The following ZNF787 variants were observed in gnomAD, a reference collection of about 807,000 sequenced individuals.
ZNF787 encodes TTF-I-interacting peptide 20.
ZNF787 carries 7 observed loss-of-function variants against 16.9 expected under a neutral mutation model. The observed-to-expected ratio is 0.42, with a 90% CI of 0.24 to 0.78. The LOEUF (loss-of-function observed/expected upper bound fraction) is 0.78. ZNF787 is among the 30% of genes least tolerant of loss of function. The probability of loss-of-function intolerance (pLI) is 0.30; values close to 1 mark genes in which losing one functional copy is unlikely to be tolerated. For missense variants in ZNF787, 551 were observed against 589.3 expected (o/e 0.94, Z 0.67); for synonymous variants, 345 against 270.9 (o/e 1.27, Z -2.69).
intron 2 of ZNF787, among the ~76,000 whole-genome samples, chr19:56,092,015 A>T (rs1227384944): frequency 1.2e-5 from 1 of 83,948 alleles, no homozygotes; most frequent in Non-Finnish European, 3.0e-5. Flanking sequence ...CCAAAGCCGA[A>T]ACCGAAGCCG....
intron 2 of ZNF787, among the ~76,000 whole-genome samples, chr19:56,093,509 G>A (rs565940616): frequency 6.6e-6 from 1 of 152,156 alleles, no homozygotes; most frequent in Non-Finnish European, 1.5e-5. Flanking sequence ...CCCTCCGTCA[G>A]GTGCAGGTCT....
chr19:56,088,688 T>C lies in ZNF787; in HGVS notation c.484A>G (p.Ser162Gly), dbSNP rs1331531492. The C allele has an allele frequency of 3.8e-5, 61 of 1,597,466 alleles. No homozygotes were observed. Among genetic ancestry groups the C allele is most frequent in the Non-Finnish European group, 5.1e-5 (60 of 1,174,496 alleles). The change falls in exon 3 of 3, where the codon AGC becomes GGC. Residue 162 changes from serine (S) to glycine (G), a missense_variant. Ser to Gly is a moderately conservative substitution (Grantham distance 56). Transcript: ENST00000610935. The surrounding 1 kb of genome is among the most constrained non-coding windows in gnomAD (Gnocchi z 8.6). Reference protein sequence around the residue: ...CPDCGRSFTQSKSLAKHRRSH... With the variant: ...CPDCGRSFTQGKSLAKHRRSH... The stretch of plus-strand genomic sequence containing the variant: ...CGCCGGTGCTTGGCCAGGCTCTTGC[T>C]CTGAGTGAAGCTGCGGCCGCAGTCG...
At chr19:56,105,931 C>A (rs1482087085) in intron 1 of ZNF787, among the ~76,000 whole-genome samples, 14 of 144,806 alleles carry the variant, frequency 9.7e-5, no homozygotes, top group Non-Finnish European at 2.0e-4. Flanking sequence ...TCCGCGCCCA[C>A]GGCAGTCACC....
intron 2 of ZNF787, chr19:56,101,576 G>T (rs1185393695): frequency 1.3e-5 from 2 of 152,206 alleles, no homozygotes; most frequent in African/African-American, 4.8e-5. Context: ...CCGGGTGCTA[G>T]ATTAGATGAA....
intron 2 of ZNF787, chr19:56,102,705 G>T: frequency 1.8e-6 from 1 of 553,494 alleles, no homozygotes; most frequent in Non-Finnish European, 3.2e-6. Flanking sequence ...ATCAGCCTGC[G>T]GGTTCCCTGC....
intron 1 of ZNF787, among the ~76,000 whole-genome samples, chr19:56,112,907 G>A (rs958882874): frequency 1.6e-5 from 2 of 129,002 alleles, no homozygotes; most frequent in Non-Finnish European, 3.3e-5. Context: ...CCAGCACGGA[G>A]GGCTCTGGCC....
At chr19:56,099,731 G>GA (rs758151035) in intron 2 of ZNF787, among the ~76,000 whole-genome samples, 61 of 137,884 alleles carry the variant, frequency 4.4e-4, no homozygotes, top group Non-Finnish European at 6.8e-4. Flanking sequence ...AAAAAGAAAA[G>GA]AGAGAGAGAG....
chr19:56,103,555 C>T (rs1270335553), intron 1 of ZNF787: 2 of 344,616 alleles, frequency 5.8e-6, no homozygotes, highest in African/African-American at 4.2e-5. Flanking sequence ...CCTCGCGCCT[C>T]AGCTTCCTCA....
intron 1 of ZNF787, among the ~76,000 whole-genome samples, chr19:56,116,424 G>A (rs1475515849): frequency 1.3e-5 from 2 of 151,818 alleles, no homozygotes; most frequent in African/African-American, 4.8e-5. Flanking sequence ...CCTGGGCGAC[G>A]GAGTGAGATT....
At position 56,087,979 on chromosome 19, in the gene ZNF787, C is replaced by T. The variant is rs1232626224; in HGVS notation, c.*44G>A. On this transcript the variant is annotated 3_prime_UTR_variant, in exon 3 of 3. Coordinates refer to ENST00000610935, the MANE Select transcript of ZNF787 (RefSeq NM_001002836.4). Reference sequence around the variant, plus strand: ...TGGTCTTGCACGTCGTCGCTCCCGCCAAGCCCGAGGGGCCCTGCCCGCCCC... The same window carrying T: ...TGGTCTTGCACGTCGTCGCTCCCGCTAAGCCCGAGGGGCCCTGCCCGCCCC... 70 of 1,301,516 alleles carry T rather than the reference C, an allele frequency of 5.4e-5. 1 individual carries two copies. Among genetic ancestry groups the T allele is most frequent in the Non-Finnish European group, 6.4e-5 (66 of 1,028,184 alleles). 80.6% of individuals were successfully genotyped at this position (1,301,516 alleles called of 1,614,324 possible).
chr19:56,112,763 A>G (rs1423760389), intron 1 of ZNF787, among the ~76,000 whole-genome samples: 1 of 151,112 alleles, frequency 6.6e-6, no homozygotes, highest in Non-Finnish European at 1.5e-5. Flanking sequence ...TTTTCACCAA[A>G]TCCTGTGGCT....
chr19:56,105,769 G>T (rs1447585582), intron 1 of ZNF787, among the ~76,000 whole-genome samples: 1 of 152,118 alleles, frequency 6.6e-6, no homozygotes, highest in Non-Finnish European at 1.5e-5. Context: ...ATTCCCCCAT[G>T]TAAAGTGTAC....
intron 1 of ZNF787, among the ~76,000 whole-genome samples, chr19:56,112,990 G>A (rs1285270074): frequency 6.9e-6 from 1 of 145,076 alleles, no homozygotes; most frequent in Admixed American, 7.2e-5. Flanking sequence ...CTCCCACCAC[G>A]ATCCTGGCTC....
chr19:56,088,093 T>A lies in ZNF787; in HGVS notation c.1079A>T (p.Glu360Val). ...CGQSYYRAGGEEEDDDDEAAG... is the reference protein window; with the variant it reads ...CGQSYYRAGGVEEDDDDEAAG... ...GGCCTCGTCGTCGTCGTCCTCCTCC[T>A]CCCCGCCCGCGCGGTAGTAGCTCTG... is the stretch of plus-strand genomic sequence containing the variant. The change falls in exon 3 of 3, where the codon GAG (glutamate) becomes GTG (valine). Residue 360 changes from glutamate (E) to valine (V), a missense_variant. Coordinates refer to ENST00000610935, the MANE Select transcript of ZNF787 (RefSeq NM_001002836.4). This position sits in a 1 kb window ranked among gnomAD's most constrained non-coding sequence, Gnocchi z 8.6. The A allele has an allele frequency of 5.1e-6, 7 of 1,362,452 alleles. No individual in the cohort carries two copies. The highest frequency in any genetic ancestry group is 6.7e-6 in the Non-Finnish European group (7 of 1,043,594). 84.4% of individuals were successfully genotyped at this position (1,362,452 alleles called of 1,614,324 possible).
chr19:56,104,796 C>G (rs559193434), intron 1 of ZNF787, among the ~76,000 whole-genome samples: 1 of 152,268 alleles, frequency 6.6e-6, no homozygotes, highest in Non-Finnish European at 1.5e-5. Context: ...GCCACGCGCC[C>G]GAGTTGTTGA....
intron 1 of ZNF787, among the ~76,000 whole-genome samples, chr19:56,105,858 G>A (rs1006213890): frequency 3.3e-5 from 5 of 151,938 alleles, no homozygotes; most frequent in African/African-American, 1.2e-4. Context: ...AAGCCCGCGC[G>A]CCCACGGCAG....
intron 2 of ZNF787, among the ~76,000 whole-genome samples, chr19:56,098,133 T>C (rs1985940693): frequency 1.3e-5 from 2 of 151,968 alleles, no homozygotes; most frequent in Admixed American, 6.5e-5. Context: ...TGCCAGGGGT[T>C]CCTGGCACGC....
chr19:56,108,772 A>G (rs563573579), intron 1 of ZNF787, among the ~76,000 whole-genome samples: 1 of 152,172 alleles, frequency 6.6e-6, no homozygotes, highest in East Asian at 1.9e-4. Flanking sequence ...GGTGAGACCC[A>G]CGCGGAAGGA....
At chr19:56,097,432 C>A (rs576164362) in intron 2 of ZNF787, among the ~76,000 whole-genome samples, 12 of 152,350 alleles carry the variant, frequency 7.9e-5, no homozygotes, top group African/African-American at 2.2e-4. Flanking sequence ...CCGTGCTACA[C>A]GTGGGAAACG....
Sources: gnomAD v4.1 joint callset for allele counts (sites outside exome capture counted in the v4.1 genomes callset) on GRCh38, gnomAD v4.1.1 for gene constraint, Gnocchi (gnomAD v3.1) non-coding constraint, MANE v1.5 for transcripts, NCBI Gene and HGNC (gene_info 2026-07-23, HGNC 2026-07-21) for gene names.